Variants in ARHGAP17 observed in about 807,000 individuals in gnomAD.
ARHGAP17 encodes the protein Rho GTPase activating protein 17.
Under a neutral mutation model 99.5 loss-of-function variants are expected in ARHGAP17, and 57 were observed. The observed-to-expected ratio is 0.57, with a 90% CI of 0.46 to 0.71. ARHGAP17 has a LOEUF of 0.71. Among genes scored for constraint, ARHGAP17 ranks in the 30% least tolerant of loss-of-function variants. ARHGAP17 has a pLI of 0.00. For synonymous variants in ARHGAP17, 417 were observed against 429.6 expected (o/e 0.97, Z 0.36); for missense variants, 1,000 against 1,122.4 (o/e 0.89, Z 1.56).
intron 19 of ARHGAP17, among the ~76,000 whole-genome samples, chr16:24,926,509 G>A (rs1162184613): frequency 2.0e-5 from 3 of 152,146 alleles, no homozygotes; most frequent in Admixed American, 1.3e-4. Context: ...TGATCCACCC[G>A]CCTCAGCCTC....
At chr16:24,961,661 G>A (rs565911942) in intron 7 of ARHGAP17, among the ~76,000 whole-genome samples, 2 of 150,842 alleles carry the variant, frequency 1.3e-5, no homozygotes, top group African/African-American at 4.9e-5. Context: ...CTCCTGAGTA[G>A]CTGGGACTAC....
At chr16:24,970,740 T>C (rs1207893396) in intron 3 of ARHGAP17, among the ~76,000 whole-genome samples, 160 bp from the exon 4 acceptor site, 2 of 152,242 alleles carry the variant, frequency 1.3e-5, no homozygotes, top group African/African-American at 4.8e-5. Flanking sequence ...ATATTAGTTG[T>C]ATGATGATCT....
chr16:24,991,689 G>C (rs2053048092), intron 1 of ARHGAP17, among the ~76,000 whole-genome samples: 1 of 152,178 alleles, frequency 6.6e-6, no homozygotes, highest in East Asian at 1.9e-4. Context: ...CCACTGCTAA[G>C]GAAGCTATAG....
intron 6 of ARHGAP17, among the ~76,000 whole-genome samples, chr16:24,965,496 CA>C (rs1165061119): frequency 6.6e-6 from 1 of 151,984 alleles, no homozygotes; most frequent in Non-Finnish European, 1.5e-5. Context: ...CAAAAAAACC[CA>C]AAAAACATGT....
intron 18 of ARHGAP17, 101 bp downstream of exon 18, chr16:24,935,369 A>AGAAAAGATCT (rs2051106586): frequency 7.5e-7 from 1 of 1,335,230 alleles, no homozygotes; most frequent in Non-Finnish European, 1.0e-6. Context: ...CAACAGACAT[A>AGAAAAGATCT]GAAAAGATCT....
intron 1 of ARHGAP17, 70 bp from the exon 2 acceptor site, chr16:24,979,075 TA>T: frequency 8.6e-7 from 1 of 1,156,518 alleles, no homozygotes. Context: ...ATTTAATAAT[TA>T]TTAGCCTGGA....
intron 19 of ARHGAP17, among the ~76,000 whole-genome samples, chr16:24,922,682 A>T (rs2050747164): frequency 6.6e-6 from 1 of 151,828 alleles, no homozygotes; most frequent in Non-Finnish European, 1.5e-5. Context: ...TAAAAAAAAA[A>T]ATTTTTTTTT....
At chr16:24,985,476 T>C (rs1157684366) in intron 1 of ARHGAP17, among the ~76,000 whole-genome samples, 3 of 152,190 alleles carry the variant, frequency 2.0e-5, no homozygotes, top group Non-Finnish European at 4.4e-5. Flanking sequence ...GGCCTCCTCC[T>C]GCACTGTCAA....
intron 14 of ARHGAP17, among the ~76,000 whole-genome samples, chr16:24,945,349 G>GA (rs1272738166): frequency 6.7e-6 from 1 of 150,280 alleles, no homozygotes; most frequent in Non-Finnish European, 1.5e-5. Context: ...GAAGAAAGAA[G>GA]AAGAAGAAGA....
chr16:24,935,596 G>A lies in ARHGAP17; in HGVS notation c.1768C>T (p.Pro590Ser), dbSNP rs767431778. 2 of 1,614,124 alleles carry A rather than the reference G, an allele frequency of 1.2e-6. No homozygotes were observed. Among genetic ancestry groups the A allele is most frequent in the African/African-American group, 2.7e-5 (2 of 75,042 alleles). ...KDPVSAAVPA[P>S]GRNNSQIASG... ...GCTATCTGACTGTTGTTTCTCCCTGGTGCTGGCACAGCTGCAGATACAGGG... is the reference window on the plus strand; with the variant it reads ...GCTATCTGACTGTTGTTTCTCCCTGATGCTGGCACAGCTGCAGATACAGGG... Residue 590 changes from proline (P) to serine (S), a missense_variant, in exon 18 of 20, where the codon CCA becomes TCA. Around this residue, in one of 2 missense-constraint regions of ARHGAP17, gnomAD observed 528 missense variants for 511.4 expected, o/e 1.03. Transcript: ENST00000289968.
intron 7 of ARHGAP17, among the ~76,000 whole-genome samples, chr16:24,962,024 A>C (rs1045463213): frequency 1.3e-5 from 2 of 150,640 alleles, no homozygotes; most frequent in Non-Finnish European, 2.9e-5. Context: ...TACACAAATT[A>C]ATGTGAAGGG....
chr16:24,949,469 G>C lies in ARHGAP17; in HGVS notation c.1062C>G (p.Asp354Glu). The C allele has an allele frequency of 6.2e-7, 1 of 1,613,444 alleles. No homozygotes were observed. The highest frequency in any genetic ancestry group is 2.2e-5 in the East Asian group (1 of 44,836). Residue 354 changes from aspartate to glutamate, a missense_variant, in exon 13 of 20, where the codon GAC becomes GAG. This residue lies in a region of ARHGAP17 where 472 missense variants were observed against 611.1 expected (regional missense o/e 0.77). Coordinates refer to ENST00000289968, the MANE Select transcript of ARHGAP17 (RefSeq NM_001006634.3). ...TTCTCCACAAGTCTTGAAGTTTTTT[G>C]TCTTGATCCTGCACACTGAGAACAA... ...WTQVASVQDQ[D>E]KKLQDLWRTC...
intron 1 of ARHGAP17, among the ~76,000 whole-genome samples, chr16:25,008,794 G>C (rs993730127): frequency 2.0e-5 from 3 of 152,178 alleles, no homozygotes; most frequent in Non-Finnish European, 4.4e-5. Context: ...CAAATTTACA[G>C]ATGAAAATTT....
At chr16:25,000,203 C>G (rs2053321716) in intron 1 of ARHGAP17, among the ~76,000 whole-genome samples, 1 of 152,196 alleles carries the variant, frequency 6.6e-6, no homozygotes, top group Non-Finnish European at 1.5e-5. Context: ...ACTGAATTAA[C>G]TAATCGCCAA....
chr16:24,998,683 G>A (rs956363877), intron 1 of ARHGAP17, among the ~76,000 whole-genome samples: 6 of 152,232 alleles, frequency 3.9e-5, no homozygotes, highest in African/African-American at 1.4e-4. Context: ...GCCATGAAAT[G>A]CTGGCAGCCC....
intron 18 of ARHGAP17, 29 bp downstream of exon 18, chr16:24,935,439 CCT>C: frequency 3.2e-6 from 5 of 1,557,926 alleles, no homozygotes; most frequent in Non-Finnish European, 4.3e-6. Context: ...CACAGGCTTC[CCT>C]GAGGGCAAGG....
At position 24,939,485 on chromosome 16, in the gene ARHGAP17, C is replaced by T. The variant is rs142115593; in HGVS notation, c.1603G>A (p.Val535Met). The T allele has an allele frequency of 2.5e-4, 410 of 1,611,238 alleles. No homozygotes were observed. Among genetic ancestry groups the T allele is most frequent in the Non-Finnish European group, 3.3e-4 (393 of 1,179,118 alleles). Residue 535 changes from valine to methionine, a missense_variant, in exon 17 of 20, where the codon GTG becomes ATG. Coordinates refer to ENST00000289968, the MANE Select transcript of ARHGAP17 (RefSeq NM_001006634.3). Reference sequence around the variant, plus strand: ...GGGGGCTCTGGGCCAGCGGGCACCACGGTGCTGCCATCTGTGGGCGGAAGT... The same window carrying T: ...GGGGGCTCTGGGCCAGCGGGCACCATGGTGCTGCCATCTGTGGGCGGAAGT... ...PPLPPTDGST[V>M]VPAGPEPPPQ...
chr16:24,999,941 C>G (rs1319943400), intron 1 of ARHGAP17, among the ~76,000 whole-genome samples: 1 of 152,176 alleles, frequency 6.6e-6, no homozygotes, highest in Non-Finnish European at 1.5e-5. Context: ...TCCTCACTGT[C>G]TCATGACGCC....
intron 15 of ARHGAP17, among the ~76,000 whole-genome samples, chr16:24,942,783 A>G (rs535484037): frequency 7.4e-4 from 113 of 152,006 alleles, no homozygotes; most frequent in East Asian, 2.1e-3. Flanking sequence ...AAAAAAAAAA[A>G]AGAGAGATAT....
Sources: gnomAD v4.1 joint callset for allele counts (sites outside exome capture counted in the v4.1 genomes callset) on GRCh38, gnomAD v4.1.1 for gene constraint, gnomAD v4.1.1 regional missense constraint, MANE v1.5 for transcripts, NCBI Gene and HGNC (gene_info 2026-07-23, HGNC 2026-07-21) for gene names.